Variants in CTSE observed in about 807,000 individuals in gnomAD.
CTSE encodes the protein erythrocyte membrane aspartic proteinase.
In CTSE, 43 loss-of-function variants were observed where a neutral mutation model predicts 42.8. The observed-to-expected ratio is 1.01, with a 90% CI of 0.79 to 1.30. CTSE has a LOEUF of 1.30. Among genes scored for constraint, CTSE ranks in the 50% most tolerant of loss-of-function variants. The pLI is 0.00. For synonymous variants in CTSE, 205 were observed against 191.5 expected, an observed-to-expected ratio of 1.07 and a Z score of -0.58; for missense variants, 532 against 493.5, an observed-to-expected ratio of 1.08 and a Z score of -0.74.
At chr1:206,010,392 G>C (rs181670334) in intron 8 of CTSE, 45 bp from the exon 9 acceptor site, 1 of 1,556,630 alleles carries the variant, frequency 6.4e-7, no homozygotes, top group Non-Finnish European at 8.8e-7. Context: ...GGGGGAAGAA[G>C]GTAGTAGTAC....
At position 206,010,299 on chromosome 1, in the gene CTSE, C is replaced by T. The variant is rs1661055295; in HGVS notation, c.1075G>A (p.Asp359Asn). The change falls in exon 9 of 9, where the codon GAC becomes AAC. Residue 359 changes from aspartate to asparagine, a missense_variant. Transcript: ENST00000358184. The stretch of plus-strand genomic sequence containing the variant: ...AGGGGCCCAGCTGGAGGGTGGATGT[C>T]AAGTCCTTGAAAGCCACTGCTGCAG... ...QFCSSGFQGL[D>N]IHPPAGPLWI... 3 of 1,613,792 alleles carry T rather than the reference C, an allele frequency of 1.9e-6. No homozygotes were observed. Among genetic ancestry groups the T allele is most frequent in the Non-Finnish European group, 1.7e-6 (2 of 1,179,868 alleles).
intron 4 of CTSE, among the ~76,000 whole-genome samples, chr1:206,020,374 C>T (rs1423583700): frequency 6.6e-6 from 1 of 151,952 alleles, no homozygotes; most frequent in Non-Finnish European, 1.5e-5. Flanking sequence ...CCCTGCTGGC[C>T]TCGGGAATAC....
chr1:206,023,893 T>C lies in CTSE; in HGVS notation c.-102A>G. 1 of 1,107,260 alleles carries C rather than the reference T, an allele frequency of 9.0e-7. No individual in the cohort carries two copies. Among genetic ancestry groups the C allele is most frequent in the East Asian group, 2.4e-5 (1 of 41,184 alleles). The allele number at this position is 1,107,260 out of a possible 1,614,324, so 68.6% of individuals were successfully genotyped here. On this transcript the variant is annotated 5_prime_UTR_variant, in exon 1 of 9. Coordinates refer to ENST00000358184, the MANE Select transcript of CTSE (RefSeq NM_001910.4). ...TAACTCTCAGACCTGCCCAGCCCAG[T>C]CTGAGGGCCGAATGATAAGGCCCTG...
At chr1:206,012,480 C>T in intron 7 of CTSE, 28 bp downstream of exon 7, 3 of 1,613,960 alleles carry the variant, frequency 1.9e-6, no homozygotes, top group Admixed American at 3.3e-5. Context: ...CCTGTCCCCA[C>T]CACTCCCTTG....
intron 4 of CTSE, among the ~76,000 whole-genome samples, chr1:206,019,228 G>A (rs1371462778): frequency 6.6e-6 from 1 of 152,042 alleles, no homozygotes; most frequent in Non-Finnish European, 1.5e-5. Flanking sequence ...GTTAAACAGT[G>A]TACTTTAGGA....
rs1339464150 is a variant in CTSE at position 206,012,720 on chromosome 1, G to A, written c.786-71C>T. On this transcript the variant is annotated intron_variant, in intron 6 of 8. Transcript: ENST00000358184. ...CCTAGGAAACTCCCACTCTTTTTTG[G>A]CCTCTCAAATGCCTGGAGCACATCA... 3.2e-6 allele frequency: 5 copies of A among 1,561,312 alleles called. No individual in the cohort carries two copies. In the African/African-American group the frequency reaches 5.4e-5, roughly 17 times the overall value.
chr1:206,013,246 A>G, intron 6 of CTSE, among the ~76,000 whole-genome samples: 1 of 151,944 alleles, frequency 6.6e-6, no homozygotes, highest in East Asian at 1.9e-4. Context: ...GTGCCCAGAT[A>G]TTGTATATAT....
At chr1:206,016,882 T>C (rs782521670) in intron 4 of CTSE, among the ~76,000 whole-genome samples, 1 of 152,178 alleles carries the variant, frequency 6.6e-6, no homozygotes, top group Non-Finnish European at 1.5e-5. Context: ...AAGATTGTAT[T>C]GGTGTATTAC....
intron 8 of CTSE, among the ~76,000 whole-genome samples, chr1:206,011,821 G>C (rs989833105): frequency 6.6e-6 from 1 of 152,018 alleles, no homozygotes; most frequent in African/African-American, 2.4e-5. Context: ...ACAAACTTGA[G>C]AATTTACTGC....
In CTSE at chr1:206,013,322, T is replaced by C. The variant is rs555503893; in HGVS notation, c.785+450A>G. ...TGGAGCATTCAGATAGAAGCGGTCA[T>C]GCCTGTCTGCTGGACCACATTGGTG... On this transcript the variant is annotated intron_variant, in intron 6 of 8. Coordinates refer to ENST00000358184, the MANE Select transcript of CTSE (RefSeq NM_001910.4). 2.0e-5 allele frequency among the ~76,000 whole-genome samples: 3 copies of C among 152,164 alleles called. No individual in the cohort carries two copies. The South Asian group carries it at 6.2e-4, about 32-fold the overall frequency.
At chr1:206,023,164 G>C in intron 1 of CTSE, 107 bp from the exon 2 acceptor site, 1 of 870,856 alleles carries the variant, frequency 1.1e-6, no homozygotes, top group Non-Finnish European at 1.8e-6. Flanking sequence ...GGGTGGGAGG[G>C]GGGGATCTGC....
intron 2 of CTSE, among the ~76,000 whole-genome samples, chr1:206,022,632 A>G (rs1553278624): frequency 6.6e-6 from 1 of 152,050 alleles, no homozygotes; most frequent in Non-Finnish European, 1.5e-5. Flanking sequence ...TAAGCTGCCC[A>G]GCTGAGAGCA....
At chr1:206,016,244 T>G (rs1252559560) in intron 4 of CTSE, 114 bp from the exon 5 acceptor site, 2 of 940,636 alleles carry the variant, frequency 2.1e-6, no homozygotes, top group Non-Finnish European at 3.4e-6. Flanking sequence ...CTTCCCAACT[T>G]TCCTTGACTA....
In CTSE at chr1:206,022,882, T is replaced by C. The variant is rs782662882; in HGVS notation, c.225+19A>G. On this transcript the variant is annotated intron_variant, in intron 2 of 8. Coordinates refer to ENST00000358184, the MANE Select transcript of CTSE (RefSeq NM_001910.4). The stretch of plus-strand genomic sequence containing the variant: ...TCCCGCTCCCACCTCTCCCCAGCCC[T>C]GACCCCAGGAGGCCTCACATCCAAG... 11 of 1,551,308 alleles carry C rather than the reference T, an allele frequency of 7.1e-6. No individual in the cohort carries two copies. Among genetic ancestry groups the C allele is most frequent in the Middle Eastern group, 1.7e-4 (1 of 5,760 alleles).
rs1049337716 is a variant in CTSE at position 206,012,197 on chromosome 1, G to A, written c.1026+111C>T. On this transcript the variant is annotated intron_variant, in intron 8 of 8. Coordinates refer to ENST00000358184, the MANE Select transcript of CTSE (RefSeq NM_001910.4). ...GAATGCCACATGAGAGCAGAACAAC[G>A]TGGGGCGGGGCTTAGGGTAAAGGCG... 2.0e-5 allele frequency: 17 copies of A among 835,076 alleles called. No homozygotes were observed. In the East Asian group the frequency reaches 3.7e-4, roughly 18 times the overall value. The allele number at this position is 835,076 out of a possible 1,614,324, so 51.7% of individuals were successfully genotyped here. A position where few individuals can be genotyped will look rare whatever the true frequency, so the allele number is the denominator to read the frequency against.
intron 4 of CTSE, 32 bp from the exon 5 acceptor site, chr1:206,016,162 G>C (rs1661258307): frequency 6.3e-7 from 1 of 1,596,152 alleles, no homozygotes. Flanking sequence ...GAGAACAGGA[G>C]AATGGCACAG....
intron 4 of CTSE, among the ~76,000 whole-genome samples, chr1:206,016,906 T>C (rs1196895352): frequency 1.3e-5 from 2 of 152,274 alleles, no homozygotes; most frequent in East Asian, 3.8e-4. Flanking sequence ...TCCATATAAA[T>C]GTTAGAATCA....
At position 206,016,131 on chromosome 1, in the gene CTSE, C is replaced by T; in HGVS notation, c.463-1G>A. On this transcript the variant is annotated splice_acceptor_variant, in intron 4 of 8. Transcript: ENST00000358184. LOFTEE classifies it high-confidence loss of function. ...GGCCAACCACGGTTAGTCCTTCCAC[C>T]TGGTAGGAGAAAGCCCACAGGAGAA... 2.5e-6 allele frequency: 4 copies of T among 1,613,228 alleles called. No homozygotes were observed. Among genetic ancestry groups the T allele is most frequent in the Non-Finnish European group, 2.5e-6 (3 of 1,179,360 alleles).
At chr1:206,012,779 T>C (rs1487468661) in intron 6 of CTSE, 130 bp from the exon 7 acceptor site, 10 of 1,053,344 alleles carry the variant, frequency 9.5e-6, no homozygotes, top group Middle Eastern at 3.1e-4. Context: ...TGTTCCTCAA[T>C]TGTTTTCTAC....
Sources: gnomAD v4.1 joint callset for allele counts (sites outside exome capture counted in the v4.1 genomes callset) on GRCh38, gnomAD v4.1.1 for gene constraint, MANE v1.5 for transcripts, NCBI Gene and HGNC (gene_info 2026-07-23, HGNC 2026-07-21) for gene names.